Variants in CRIP3 observed in about 807,000 individuals in gnomAD.
CRIP3 encodes the protein cysteine-rich protein 3.
Under a neutral mutation model 30.3 loss-of-function variants are expected in CRIP3, and 23 were observed. The observed-to-expected ratio is 0.76, with a 90% CI of 0.55 to 1.08. The LOEUF (loss-of-function observed/expected upper bound fraction) is 1.08, where lower values mean the gene tolerates loss of function less well. Among genes scored for constraint, CRIP3 ranks in the 50% least tolerant of loss-of-function variants. The probability of loss-of-function intolerance (pLI) is 0.00; values close to 1 mark genes in which losing one functional copy is unlikely to be tolerated. For missense variants in CRIP3, 261 were observed against 259.3 expected, an observed-to-expected ratio of 1.01 and a Z score of -0.04; for synonymous variants, 89 against 97.6, an observed-to-expected ratio of 0.91 and a Z score of 0.52.
chr6:43,306,032 C>T, intron 7 of CRIP3, 35 bp downstream of exon 7: 1 of 1,608,574 alleles, frequency 6.2e-7, no homozygotes, highest in Non-Finnish European at 8.5e-7. Flanking sequence ...CAGGCATGTA[C>T]ATGCCATCCC....
At chr6:43,308,670 T>C in intron 1 of CRIP3, 80 bp downstream of exon 1, 1 of 1,555,660 alleles carries the variant, frequency 6.4e-7, no homozygotes, top group Non-Finnish European at 8.9e-7. Context: ...GACTACACTG[T>C]GGCTAGCCCT....
intron 2 of CRIP3, 50 bp from the exon 3 acceptor site, chr6:43,307,946 G>GC (rs1174622077): frequency 6.3e-7 from 1 of 1,594,876 alleles, no homozygotes; most frequent in Non-Finnish European, 8.6e-7. Context: ...CGGGAGCCAT[G>GC]CCCCACAGGC....
intron 5 of CRIP3, 22 bp downstream of exon 5, chr6:43,306,424 C>G (rs1267940508): frequency 1.2e-6 from 2 of 1,613,484 alleles, no homozygotes; most frequent in Admixed American, 1.7e-5. Flanking sequence ...TCCCCCTCCC[C>G]AAGTTTTCCA....
intron 1 of CRIP3, 28 bp from the exon 2 acceptor site, chr6:43,308,437 G>T (rs1778992767): frequency 6.3e-7 from 1 of 1,593,384 alleles, no homozygotes. Flanking sequence ...GAACCGAGCT[G>T]CGAGGAGCCT....
chr6:43,308,435 C>T, intron 1 of CRIP3, 26 bp from the exon 2 acceptor site: 1 of 1,596,368 alleles, frequency 6.3e-7, no homozygotes, highest in Non-Finnish European at 8.6e-7. Flanking sequence ...TGGAACCGAG[C>T]TGCGAGGAGC....
rs1274007140 is a variant in CRIP3 at position 43,305,501 on chromosome 6, C to T, written c.*313G>A. ...AGCCAACATTTTATTGAAGAAGCCA[C>T]AGAGGCTGAAATTCAATAAACACAA... On this transcript the variant is annotated 3_prime_UTR_variant, in exon 8 of 8. Coordinates refer to ENST00000372569, the MANE Select transcript of CRIP3 (RefSeq NM_206922.3). 1 of 415,388 alleles carries T rather than the reference C, an allele frequency of 2.4e-6. No homozygotes were observed. The highest frequency in any genetic ancestry group is 2.0e-5 in the African/African-American group (1 of 49,470). 25.7% of individuals were successfully genotyped at this position (415,388 alleles called of 1,614,324 possible). A position where few individuals can be genotyped will look rare whatever the true frequency, so the allele number is the denominator to read the frequency against.
intron 4 of CRIP3, 178 bp from the exon 5 acceptor site, chr6:43,306,695 C>A (rs1016479018): frequency 1.1e-4 from 65 of 602,758 alleles, no homozygotes; most frequent in Non-Finnish European, 4.7e-5. Context: ...CACCTCCTGC[C>A]CCATCCCTAT....
chr6:43,306,159 T>G, intron 6 of CRIP3, 35 bp from the exon 7 acceptor site: 1 of 1,614,078 alleles, frequency 6.2e-7, no homozygotes, highest in South Asian at 1.1e-5. Flanking sequence ...TGTCTCAGCC[T>G]GGTTCTCTTC....
Position 43,306,311 on chromosome 6 carries a change from C to T in CRIP3, c.403G>A (p.Glu135Lys). ...PGCGEPVYFAEKVMSLGRNWH... is the reference protein window; with the variant it reads ...PGCGEPVYFAKKVMSLGRNWH... ...TTTCTGCCTAATGACATCACCTTCTCAGCTGGTGGTGGAAAGAAGTGGTAA... is the reference window on the plus strand; with the variant it reads ...TTTCTGCCTAATGACATCACCTTCTTAGCTGGTGGTGGAAAGAAGTGGTAA... Residue 135 changes from glutamate (E) to lysine (K), a missense_variant and splice_region_variant, in exon 6 of 8, where the codon GAG (glutamate) becomes AAG (lysine). Physicochemically the swap from Glu to Lys is moderately conservative, Grantham distance 56 (BLOSUM62 1). Coordinates refer to ENST00000372569, the MANE Select transcript of CRIP3 (RefSeq NM_206922.3). 4 of 1,614,076 alleles carry T rather than the reference C, an allele frequency of 2.5e-6. No homozygotes were observed. Among genetic ancestry groups the T allele is most frequent in the Non-Finnish European group, 3.4e-6 (4 of 1,179,970 alleles).
chr6:43,307,683 C>A lies in CRIP3; in HGVS notation c.257G>T (p.Cys86Phe). 6.6e-7 allele frequency: 1 copy of A among 1,524,518 alleles called. No homozygotes were observed. The allele number at this position is 1,524,518 out of a possible 1,614,324, so 94.4% of individuals were successfully genotyped here. The change falls in exon 4 of 8, where the codon TGC becomes TTC. Residue 86 changes from cysteine to phenylalanine, a missense_variant. Cys to Phe is a radical substitution (Grantham distance 205). Coordinates refer to ENST00000372569, the MANE Select transcript of CRIP3 (RefSeq NM_206922.3). Reference protein sequence around the residue: ...LYNPPTPSPGCTTPLSPSSFS... With the variant: ...LYNPPTPSPGFTTPLSPSSFS... ...GCTGCTGGGGCTGAGAGGAGTGGTG[C>A]AGCCAGGGCTGGGAGTGGGGGGATT...
chr6:43,305,862 G>A lies in CRIP3; in HGVS notation c.567C>T (p.Gly189=), dbSNP rs1778914635. 8 of 1,614,098 alleles carry A rather than the reference G, an allele frequency of 5.0e-6. No homozygotes were observed. Among genetic ancestry groups the A allele is most frequent in the Admixed American group, 1.7e-5 (1 of 60,012 alleles). Residue 189 remains glycine (G), a synonymous_variant, in exon 8 of 8, where the codon GGC becomes GGT. Coordinates refer to ENST00000372569, the MANE Select transcript of CRIP3 (RefSeq NM_206922.3). Reference sequence around the variant, plus strand: ...GGTCATAGATGTAGCAGCCCACATCGCCAATGTTCACACCTGAGAGAGAGA... The same window carrying A: ...GGTCATAGATGTAGCAGCCCACATCACCAATGTTCACACCTGAGAGAGAGA... ...YLFGPKGVNI[G]DVGCYIYDPV...
chr6:43,308,266 G>C (rs200668927), intron 2 of CRIP3, 49 bp downstream of exon 2: 4 of 1,464,958 alleles, frequency 2.7e-6, no homozygotes, highest in East Asian at 2.3e-5. Flanking sequence ...TGCCTGGGGG[G>C]TGGGAGGCAG....
intron 2 of CRIP3, among the ~76,000 whole-genome samples, chr6:43,308,111 C>G (rs1179457208): frequency 6.6e-6 from 1 of 152,080 alleles, no homozygotes; most frequent in Non-Finnish European, 1.5e-5. Flanking sequence ...TTCCCACTCA[C>G]CCTGATCCCC....
chr6:43,307,957 C>A, intron 2 of CRIP3, 61 bp from the exon 3 acceptor site: 1 of 1,582,270 alleles, frequency 6.3e-7, no homozygotes. Context: ...CCCCACAGGC[C>A]TTCACCCCAG....
Position 43,306,456 on chromosome 6 carries a change from G to A in CRIP3, c.390C>T (p.Pro130=), listed in dbSNP as rs760463930. The change falls in exon 5 of 8, where the codon CCC becomes CCT. Residue 130 remains proline, a synonymous_variant. Transcript: ENST00000372569. ...ETSLCPGCGE[P]VYFAEKVMSL... is the part of the protein sequence containing the mutation. Reference sequence around the variant, plus strand: ...TCCACTGTTACTTACCAAAATAGACGGGCTCCCCACAGCCAGGGCACAGCG... The same window carrying A: ...TCCACTGTTACTTACCAAAATAGACAGGCTCCCCACAGCCAGGGCACAGCG... The A allele has an allele frequency of 1.1e-5, 18 of 1,610,638 alleles. No individual in the cohort carries two copies. Among genetic ancestry groups the A allele is most frequent in the Middle Eastern group, 1.7e-4 (1 of 6,056 alleles).
intron 3 of CRIP3, 45 bp downstream of exon 3, chr6:43,307,794 A>G (rs1214002554): frequency 6.2e-7 from 1 of 1,610,714 alleles, no homozygotes; most frequent in Non-Finnish European, 8.5e-7. Flanking sequence ...TCCCAGCCAC[A>G]AGGAGGGTTC....
rs1225132969 is a variant in CRIP3, at chr6:43,307,899, G to A, written c.139-3C>T. 1.2e-6 allele frequency: 2 copies of A among 1,613,356 alleles called. No individual in the cohort carries two copies. Among genetic ancestry groups the A allele is most frequent in the African/African-American group, 2.7e-5 (2 of 74,918 alleles). On this transcript the variant is annotated splice_polypyrimidine_tract_variant and splice_region_variant and intron_variant, in intron 2 of 7. Coordinates refer to ENST00000372569, the MANE Select transcript of CRIP3 (RefSeq NM_206922.3). ...TGGCAGTATGGCCTCCCATTGTGCT[G>A]GGCACAAGCAGAGGGAAGTGGGTTA...
chr6:43,308,082 G>C (rs1778984638), intron 2 of CRIP3, among the ~76,000 whole-genome samples, 186 bp from the exon 3 acceptor site: 1 of 152,142 alleles, frequency 6.6e-6, no homozygotes, highest in Non-Finnish European at 1.5e-5. Flanking sequence ...AGCAAGAGCA[G>C]CTCAGAAGGT....
At position 43,307,625 on chromosome 6, in the gene CRIP3, G is replaced by T. The variant is rs376815023; in HGVS notation, c.315C>A (p.Pro105=). Residue 105 remains proline (P), a synonymous_variant, in exon 4 of 8, where the codon CCC becomes CCA. Coordinates refer to ENST00000372569, the MANE Select transcript of CRIP3 (RefSeq NM_206922.3). ...GCCCAGCCTTACTTTTCTTGCCTTG[G>T]GGGAGGCCAGTCCTTGGCCTGGGAG... ...FSPPRPRTGL[P]QGKKSPPHMK... 2.1e-5 allele frequency: 31 copies of T among 1,474,122 alleles called. No individual in the cohort carries two copies. The East Asian group carries it at 3.6e-4, about 17-fold the overall frequency. The allele number at this position is 1,474,122 out of a possible 1,614,324, so 91.3% of individuals were successfully genotyped here. A position where few individuals can be genotyped will look rare whatever the true frequency, so the allele number is the denominator to read the frequency against.
Sources: allele counts gnomAD v4.1 joint callset (sites outside exome capture counted in the v4.1 genomes callset), GRCh38; gene constraint gnomAD v4.1.1; transcripts MANE v1.5; gene names NCBI Gene and HGNC (gene_info 2026-07-23, HGNC 2026-07-21).